The following SYCP2 variants were observed in gnomAD, a reference collection of about 807,000 sequenced individuals.
SYCP2 encodes the protein synaptonemal complex lateral element protein.
Under a neutral mutation model 211.3 loss-of-function variants are expected in SYCP2, and 55 were observed. That is an observed-to-expected ratio of 0.26 (90% CI 0.21 to 0.33). The LOEUF is 0.33. Ranked by LOEUF, SYCP2 falls within the 10% of genes least tolerant of loss-of-function variation. SYCP2 has a pLI of 1.00. For synonymous variants in SYCP2, 570 were observed against 555.2 expected, an observed-to-expected ratio of 1.03 and a Z score of -0.37; for missense variants, 1,731 against 1,752.0, an observed-to-expected ratio of 0.99 and a Z score of 0.21.
intron 19 of SYCP2, among the ~76,000 whole-genome samples, chr20:59,895,924 C>T (rs1789771048): frequency 6.6e-6 from 1 of 152,064 alleles, no homozygotes; most frequent in African/African-American, 2.4e-5. Flanking sequence ...TTAACTAGTA[C>T]ACAGTATCAG....
At chr20:59,870,202 A>C (rs1178784746) in intron 35 of SYCP2, among the ~76,000 whole-genome samples, 1 of 151,792 alleles carries the variant, frequency 6.6e-6, no homozygotes, top group African/African-American at 2.4e-5. Context: ...GATCCCTGCT[A>C]GTACAGTTTC....
intron 24 of SYCP2, among the ~76,000 whole-genome samples, chr20:59,889,101 G>A (rs564958669): frequency 1.4e-3 from 219 of 152,112 alleles, no homozygotes; most frequent in Middle Eastern, 3.4e-3. Flanking sequence ...AACAAGTGGA[G>A]CACAGGGGAA....
rs373449205 is a variant in SYCP2, at chr20:59,880,930, T to C, written c.2772+36A>G. The C allele has an allele frequency of 3.2e-6, 3 of 934,994 alleles. No individual in the cohort carries two copies. In the African/African-American group the frequency reaches 5.1e-5, roughly 16 times the overall value. 57.9% of individuals were successfully genotyped at this position (934,994 alleles called of 1,614,324 possible). ...TAACATTAAAAATTAAGAGAAATAC[T>C]ACTTCTAATAGACATATTGAGATAT... On this transcript the variant is annotated intron_variant, in intron 30 of 44. Coordinates refer to ENST00000357552, the MANE Select transcript of SYCP2 (RefSeq NM_014258.4).
chr20:59,914,476 T>TA (rs1568973895), intron 10 of SYCP2, among the ~76,000 whole-genome samples: 1 of 151,898 alleles, frequency 6.6e-6, no homozygotes, highest in Non-Finnish European at 1.5e-5. Flanking sequence ...AAGTAAAATT[T>TA]AAAAAAATGT....
intron 44 of SYCP2, 140 bp downstream of exon 44, chr20:59,865,248 A>C (rs1030102743): frequency 1.6e-6 from 1 of 634,780 alleles, no homozygotes; most frequent in Non-Finnish European, 2.7e-6. Flanking sequence ...CCATTATTTA[A>C]AGAACTAAAA....
rs749965791 is a variant in SYCP2, at chr20:59,901,698, A to G, written c.1146T>C (p.Asn382=). The part of the protein sequence containing the change: ...LYFDASLEIT[N]VTQKIFGATK... The stretch of plus-strand genomic sequence containing the variant: ...TTGCACCAAAAATTTTTTGAGTTAC[A>G]TTAGTGATTTCTAGTGATGCGTCAA... The change falls in exon 16 of 45, where the codon AAT becomes AAC. Residue 382 remains asparagine, a synonymous_variant. Coordinates refer to ENST00000357552, the MANE Select transcript of SYCP2 (RefSeq NM_014258.4). The G allele has an allele frequency of 1.3e-6, 2 of 1,597,694 alleles. No individual in the cohort carries two copies. Among genetic ancestry groups the G allele is most frequent in the Non-Finnish European group, 1.7e-6 (2 of 1,171,920 alleles).
Position 59,892,368 on chromosome 20 carries a change from A to C in SYCP2, c.1986T>G (p.His662Gln). 1 of 1,588,294 alleles carries C rather than the reference A, an allele frequency of 6.3e-7. No individual in the cohort carries two copies. Among genetic ancestry groups the C allele is most frequent in the Non-Finnish European group, 8.6e-7 (1 of 1,162,148 alleles). ...TCACTTTTCCTGTTCCTTCAGAATT[A>C]TGATCAGATATTGAAGAGGATGATT... ...KQKSSSSISD[H>Q]NSEGTGKVKY... The change falls in exon 24 of 45, where the codon CAT (histidine) becomes CAG (glutamine). Residue 662 changes from histidine (H) to glutamine (Q), a missense_variant. This residue lies in a region of SYCP2 where 1,387 missense variants were observed against 1,351.3 expected (regional missense o/e 1.03). Transcript: ENST00000357552.
intron 24 of SYCP2, among the ~76,000 whole-genome samples, chr20:59,891,295 A>G (rs1289020880): frequency 6.6e-6 from 1 of 151,990 alleles, no homozygotes; most frequent in Non-Finnish European, 1.5e-5. Context: ...ATTTTTCTTA[A>G]TCTGCATTTT....
At chr20:59,873,726 C>T in intron 35 of SYCP2, 130 bp downstream of exon 35, 1 of 679,140 alleles carries the variant, frequency 1.5e-6, no homozygotes, top group Non-Finnish European at 2.4e-6. Flanking sequence ...TGTCCCTCTC[C>T]CCCAAGACCC....
In SYCP2 at chr20:59,920,157, A is replaced by G. The variant is rs780288787; in HGVS notation, c.297+202T>C. Among the ~76,000 whole-genome samples the G allele has an allele frequency of 8.6e-5, 13 of 151,852 alleles. No individual in the cohort carries two copies. In the Middle Eastern group the frequency reaches 0.01, roughly 119 times the overall value. On this transcript the variant is annotated intron_variant, in intron 5 of 44. Transcript: ENST00000357552. Reference sequence around the variant, plus strand: ...AAGGCCTTAGGGAGCTTAAACTCACATGATTACCAAGGAGTCTGTCTTTGT... The same window carrying G: ...AAGGCCTTAGGGAGCTTAAACTCACGTGATTACCAAGGAGTCTGTCTTTGT...
intron 1 of SYCP2, 75 bp from the exon 2 acceptor site, chr20:59,932,229 T>C (rs2060762375): frequency 6.6e-6 from 1 of 151,980 alleles, no homozygotes; most frequent in African/African-American, 2.4e-5. Context: ...GAGGCAAAGA[T>C]TTTCCCCCAA....
chr20:59,914,386 TTTC>T (rs972097582), intron 10 of SYCP2, 135 bp from the exon 11 acceptor site: 3 of 452,148 alleles, frequency 6.6e-6, no homozygotes, highest in African/African-American at 4.0e-5. Flanking sequence ...CTATTAATAT[TTTC>T]TTCATATGGA....
chr20:59,928,233 T>C (rs2145907902), intron 2 of SYCP2, among the ~76,000 whole-genome samples: 1 of 152,330 alleles, frequency 6.6e-6, no homozygotes, highest in East Asian at 1.9e-4. Context: ...TCTACAGTGT[T>C]CCTTTTTATA....
intron 12 of SYCP2, 141 bp downstream of exon 12, chr20:59,913,834 A>T: frequency 2.0e-6 from 1 of 489,580 alleles, no homozygotes; most frequent in Non-Finnish European, 3.4e-6. Flanking sequence ...TTATTGTTTT[A>T]AATTATCTAT....
In SYCP2 at chr20:59,877,944, T is replaced by C. The variant is rs546369260; in HGVS notation, c.2979+64A>G. On this transcript the variant is annotated intron_variant, in intron 32 of 44. Transcript: ENST00000357552. ...AGGATAAAATTATGAGATGATGAAT[T>C]ATTTTTATATGGCAAGAAAAAATAA... 31 of 1,280,344 alleles carry C rather than the reference T, an allele frequency of 2.4e-5. 1 individual carries two copies. In the South Asian group the frequency reaches 3.9e-4, roughly 16 times the overall value. 79.3% of individuals were successfully genotyped at this position (1,280,344 alleles called of 1,614,324 possible).
Position 59,900,416 on chromosome 20 carries a change from A to G in SYCP2, c.1258-132T>C, listed in dbSNP as rs553311440. The G allele has an allele frequency of 4.6e-6, 4 of 861,906 alleles. No homozygotes were observed. The African/African-American group carries it at 5.1e-5, about 11-fold the overall frequency. The allele number at this position is 861,906 out of a possible 1,614,324, so 53.4% of individuals were successfully genotyped here. On this transcript the variant is annotated intron_variant, in intron 17 of 44. Coordinates refer to ENST00000357552, the MANE Select transcript of SYCP2 (RefSeq NM_014258.4). Reference sequence around the variant, plus strand: ...TTCCCTTTTCTATCCATGTGCTGTTATAATTTTTACAAAGTGATCCAATAA... The same window carrying G: ...TTCCCTTTTCTATCCATGTGCTGTTGTAATTTTTACAAAGTGATCCAATAA...
chr20:59,901,573 A>G, intron 16 of SYCP2, 89 bp downstream of exon 16: 2 of 796,948 alleles, frequency 2.5e-6, no homozygotes, highest in East Asian at 5.5e-5. Context: ...TAAGAATTCT[A>G]GAAAGGAAAA....
intron 39 of SYCP2, among the ~76,000 whole-genome samples, chr20:59,867,275 C>G (rs1212485434): frequency 6.6e-6 from 1 of 151,332 alleles, no homozygotes; most frequent in Non-Finnish European, 1.5e-5. Flanking sequence ...TTTGCATTAT[C>G]TCACTGGAAC....
chr20:59,869,666 A>G (rs1281114179), intron 36 of SYCP2, 132 bp downstream of exon 36: 1 of 536,576 alleles, frequency 1.9e-6, no homozygotes, highest in Admixed American at 3.3e-5. Context: ...TATACTTTAA[A>G]CATCAGATTT....
Sources: gnomAD v4.1 joint callset for allele counts (sites outside exome capture counted in the v4.1 genomes callset) on GRCh38, gnomAD v4.1.1 for gene constraint, gnomAD v4.1.1 regional missense constraint, MANE v1.5 for transcripts, NCBI Gene and HGNC (gene_info 2026-07-23, HGNC 2026-07-21) for gene names.